ARMC9: variants seen among roughly 807,000 people sequenced by gnomAD.
The protein encoded by ARMC9 is armadillo repeat containing 9, also known as lisH domain-containing protein ARMC9.
A neutral mutation model predicts 107.0 loss-of-function variants in ARMC9; 94 were observed. The ratio of observed to expected loss-of-function variants is 0.88; its 90% CI spans 0.74 to 1.04. The LOEUF is 1.04. Ranked by LOEUF, ARMC9 falls within the 50% of genes least tolerant of loss-of-function variation. The pLI, the probability that ARMC9 is intolerant of heterozygous loss-of-function variation, is 0.00. For missense variants in ARMC9, 942 were observed against 1,030.1 expected (o/e 0.91, Z 1.17); for synonymous variants, 380 against 396.9 (o/e 0.96, Z 0.51).
At chr2:231,239,759 G>T (rs770574971) in intron 8 of ARMC9, among the ~76,000 whole-genome samples, 184 bp from the exon 9 acceptor site, 3 of 152,180 alleles carry the variant, frequency 2.0e-5, no homozygotes, top group Non-Finnish European at 2.9e-5. Flanking sequence ...TGTCAGGGCC[G>T]GTACTTTCAC....
chr2:231,199,626 GC>G (rs1331866494), intron 1 of ARMC9, among the ~76,000 whole-genome samples: 1 of 152,150 alleles, frequency 6.6e-6, no homozygotes, highest in African/African-American at 2.4e-5. Context: ...ACATTGCCTG[GC>G]ATACCATATA....
rs372260536 is a variant in ARMC9 at position 231,331,931 on chromosome 2, C to T, written c.1878+34C>T. On this transcript the variant is annotated intron_variant, in intron 20 of 24. Transcript: ENST00000611582. ...CACACAAAGGGTGGGGATCCTGAAA[C>T]AGAAAGGCCAGATGGACATTGATGG... 5 of 1,531,754 alleles carry T rather than the reference C, an allele frequency of 3.3e-6. No homozygotes were observed. The Admixed American group carries it at 8.5e-5, about 26-fold the overall frequency. The allele number at this position is 1,531,754 out of a possible 1,614,324, so 94.9% of individuals were successfully genotyped here.
intron 19 of ARMC9, among the ~76,000 whole-genome samples, chr2:231,328,197 A>T (rs529907468): frequency 6.6e-6 from 1 of 152,192 alleles, no homozygotes; most frequent in South Asian, 2.1e-4. Flanking sequence ...CCATCTGTAT[A>T]TTCTCCCTGG....
chr2:231,353,264 T>C (rs947410682), intron 21 of ARMC9, among the ~76,000 whole-genome samples: 2 of 127,992 alleles, frequency 1.6e-5, no homozygotes, highest in Non-Finnish European at 3.0e-5. Flanking sequence ...CTCGGCTCAC[T>C]GCAAGCTCCA....
intron 8 of ARMC9, among the ~76,000 whole-genome samples, chr2:231,237,228 T>A (rs1194484370): frequency 6.6e-6 from 1 of 150,538 alleles, no homozygotes; most frequent in Non-Finnish European, 1.5e-5. Context: ...GTACAGCATT[T>A]GTACCCTTAG....
intron 7 of ARMC9, among the ~76,000 whole-genome samples, chr2:231,230,092 T>A (rs2125348243): frequency 6.6e-6 from 1 of 152,316 alleles, no homozygotes; most frequent in South Asian, 2.1e-4. Context: ...CTAGGCGTGG[T>A]GGCTCATGCC....
Position 231,357,968 on chromosome 2 carries a change from T to C in ARMC9, c.2131+2034T>C, listed in dbSNP as rs139200770. 5.7e-3 allele frequency among the ~76,000 whole-genome samples: 861 copies of C among 152,318 alleles called. 7 individuals are homozygous for C. Among genetic ancestry groups the C allele is most frequent in the African/African-American group, 0.017 (709 of 41,576 alleles). ...GTTTCCTCTGGGTCATGAGTAAGCC[T>C]TTGCCACGCTTGGAGTAGATTCCAT... On this transcript the variant is annotated intron_variant, in intron 22 of 24. Transcript: ENST00000611582.
intron 17 of ARMC9, among the ~76,000 whole-genome samples, chr2:231,286,460 A>G (rs2040599766): frequency 6.6e-6 from 1 of 152,182 alleles, no homozygotes; most frequent in Non-Finnish European, 1.5e-5. Context: ...TCTGGAAAGC[A>G]GTTTGGCAGT....
intron 1 of ARMC9, among the ~76,000 whole-genome samples, chr2:231,203,243 C>A (rs542608739): frequency 1.3e-5 from 2 of 152,276 alleles, no homozygotes; most frequent in African/African-American, 4.8e-5. Flanking sequence ...CAAAACAGAG[C>A]TCTTGGTTTG....
chr2:231,205,084 C>G (rs2031757590), intron 1 of ARMC9, among the ~76,000 whole-genome samples: 1 of 151,804 alleles, frequency 6.6e-6, no homozygotes, highest in Admixed American at 6.6e-5. Context: ...CAGAAGAGAT[C>G]TGACTGAGTG....
Position 231,362,604 on chromosome 2 carries a change from C to T in ARMC9, c.2261+1721C>T, listed in dbSNP as rs1420134712. Reference sequence around the variant, plus strand: ...TTGGTGTCAGTCACTGAAGCCAGCTCTTATTTTAAGCCTGGGAGTTCAGTG... The same window carrying T: ...TTGGTGTCAGTCACTGAAGCCAGCTTTTATTTTAAGCCTGGGAGTTCAGTG... On this transcript the variant is annotated intron_variant, in intron 23 of 24. Transcript: ENST00000611582. The surrounding 1 kb of genome is among the most constrained non-coding windows in gnomAD (Gnocchi z 4.7). 1 of 151,998 alleles carries T rather than the reference C, an allele frequency of 6.6e-6. No homozygotes were observed. The highest frequency in any genetic ancestry group is 1.5e-5 in the Non-Finnish European group (1 of 67,968). The allele number at this position is 151,998 out of a possible 1,614,324, so 9.4% of individuals were successfully genotyped here. A position where few individuals can be genotyped will look rare whatever the true frequency, so the allele number is the denominator to read the frequency against.
intron 19 of ARMC9, among the ~76,000 whole-genome samples, chr2:231,310,147 G>T (rs1479843202): frequency 1.3e-5 from 2 of 152,250 alleles, no homozygotes; most frequent in South Asian, 2.1e-4. Context: ...GGGCGCGGTG[G>T]CTCACGCCTG....
In ARMC9 at chr2:231,213,245, C is replaced by T. The variant is rs1042285055; in HGVS notation, c.178-1586C>T. 2.6e-5 allele frequency among the ~76,000 whole-genome samples: 4 copies of T among 150,992 alleles called. No individual in the cohort carries two copies. In the South Asian group the frequency reaches 6.3e-4, roughly 24 times the overall value. On this transcript the variant is annotated intron_variant, in intron 3 of 24. Coordinates refer to ENST00000611582, the MANE Select transcript of ARMC9 (RefSeq NM_001352754.2). ...GTGGTGGGATCTCAGCTCAGTGCAG[C>T]CTCTACCTCCAAGGCTCAGATGGTC...
Position 231,271,427 on chromosome 2 carries a change from C to A in ARMC9, c.1210+355C>A, listed in dbSNP as rs533538554. Among the ~76,000 whole-genome samples the A allele has an allele frequency of 2.0e-5, 3 of 152,206 alleles. No homozygotes were observed. In the South Asian group the frequency reaches 6.2e-4, roughly 32 times the overall value. On this transcript the variant is annotated intron_variant, in intron 13 of 24. Transcript: ENST00000611582. ...GGCAAAATAAGTGAAACAATTACGG[C>A]AAAATAAGCTTAGCGAAACAAAGCA...
Position 231,198,673 on chromosome 2 carries a change from C to T in ARMC9, c.-67C>T, listed in dbSNP as rs938328115. 1 of 152,320 alleles carries T rather than the reference C, an allele frequency of 6.6e-6. No homozygotes were observed. Among genetic ancestry groups the T allele is most frequent in the Non-Finnish European group, 1.5e-5 (1 of 68,032 alleles). 9.4% of individuals were successfully genotyped at this position (152,320 alleles called of 1,614,324 possible). A position where few individuals can be genotyped will look rare whatever the true frequency, so the allele number is the denominator to read the frequency against. ...GGAGGTGGCGGCCGGGCTGGGATAG[C>T]GCGAGTGTCCGCGGCCGAGCAGCAG... On this transcript the variant is annotated 5_prime_UTR_variant, in exon 1 of 25. Transcript: ENST00000611582.
At chr2:231,365,655 AGGAACCAGCCGCACACACAGCAGATG>A (rs756133584) in intron 23 of ARMC9, among the ~76,000 whole-genome samples, 6,311 of 152,196 alleles carry the variant, frequency 0.041, 154 homozygotes, top group African/African-American at 0.051. Flanking sequence ...AAAGGCAGAT[AGGAACCAGCCGCACACACAGCAGATG>A]GGAACCAGCC....
intron 12 of ARMC9, among the ~76,000 whole-genome samples, chr2:231,265,390 A>T (rs2038762630): frequency 6.6e-6 from 1 of 152,224 alleles, no homozygotes; most frequent in South Asian, 2.1e-4. Context: ...TGTAATATAT[A>T]TACAACATGA....
intron 8 of ARMC9, among the ~76,000 whole-genome samples, chr2:231,237,332 C>A (rs1458452511): frequency 6.6e-6 from 1 of 152,108 alleles, no homozygotes; most frequent in Non-Finnish European, 1.5e-5. Flanking sequence ...CCACCTCATT[C>A]TTTTTAATTC....
At chr2:231,271,959 T>C (rs1057333284) in intron 13 of ARMC9, among the ~76,000 whole-genome samples, 2 of 151,982 alleles carry the variant, frequency 1.3e-5, no homozygotes, top group African/African-American at 4.8e-5. Flanking sequence ...ACATTACCCC[T>C]CATTTCTCTT....
Sources: allele counts gnomAD v4.1 joint callset (sites outside exome capture counted in the v4.1 genomes callset), GRCh38; gene constraint gnomAD v4.1.1; non-coding constraint Gnocchi (gnomAD v3.1); transcripts MANE v1.5; gene names NCBI Gene and HGNC (gene_info 2026-07-23, HGNC 2026-07-21).